Variants in TEX26 observed in about 807,000 individuals in gnomAD.
The protein encoded by TEX26 is testis expressed 26.
In TEX26, 34 loss-of-function variants were observed where a neutral mutation model predicts 35.3. The observed-to-expected ratio is 0.96, with a 90% confidence interval of 0.73 to 1.28. TEX26 has a LOEUF of 1.28. Among genes scored for constraint, TEX26 ranks in the 50% most tolerant of loss-of-function variants. The pLI is 0.00. For missense variants in TEX26, 371 were observed against 330.1 expected, an observed-to-expected ratio of 1.12 and a Z score of -0.96; for synonymous variants, 136 against 111.8, an observed-to-expected ratio of 1.22 and a Z score of -1.36.
intron 1 of TEX26, among the ~76,000 whole-genome samples, chr13:30,937,644 AAGG>A (rs2138168343): frequency 6.6e-6 from 1 of 152,336 alleles, no homozygotes; most frequent in African/African-American, 2.4e-5. Flanking sequence ...CCCACTAAAG[AAGG>A]AGTATTGGAG....
intron 4 of TEX26, among the ~76,000 whole-genome samples, chr13:30,964,940 T>C (rs760797429): frequency 6.6e-6 from 1 of 152,188 alleles, no homozygotes; most frequent in Non-Finnish European, 1.5e-5. Flanking sequence ...CTCCCAACAC[T>C]GTTGCATTAG....
chr13:30,974,131 A>AAAAAAAAATATAT, intron 6 of TEX26, among the ~76,000 whole-genome samples: 2 of 84,424 alleles, frequency 2.4e-5, no homozygotes, highest in African/African-American at 4.8e-5. Flanking sequence ...AAAAAAAAAA[A>AAAAAAAAATATAT]ATATATATAT....
At position 30,940,630 on chromosome 13, in the gene TEX26, G is replaced by T. The variant is rs1181299275; in HGVS notation, c.146+852G>T. ...TTACAGGCGTGAGCCACCACATCCG[G>T]CTGCCCCATCATCTTTTACTGTGTC... is the stretch of plus-strand genomic sequence containing the variant. On this transcript the variant is annotated intron_variant, in intron 2 of 6. Transcript: ENST00000380473. Among the ~76,000 whole-genome samples, 5 of 152,108 alleles carry T rather than the reference G, an allele frequency of 3.3e-5. No individual in the cohort carries two copies. In the East Asian group the frequency reaches 9.6e-4, roughly 29 times the overall value.
chr13:30,966,310 C>A lies in TEX26; in HGVS notation c.558C>A (p.Tyr186Ter), dbSNP rs111513492. 3.5e-5 allele frequency: 56 copies of A among 1,613,950 alleles called. No homozygotes were observed. Among genetic ancestry groups the A allele is most frequent in the Middle Eastern group, 3.3e-4 (2 of 6,062 alleles). ...QPPDTEFRRN[Y>*]QIPAKIPELQ... Reference sequence around the variant, plus strand: ...CAGACACTGAATTCCGAAGGAATTACCAAATTCCAGCTAAAATTCCTGAGC... The same window carrying A: ...CAGACACTGAATTCCGAAGGAATTAACAAATTCCAGCTAAAATTCCTGAGC... The change falls in exon 5 of 7, where the codon TAC becomes TAA. Residue 186 changes from tyrosine (Y) to a stop codon, truncating the protein, a stop_gained. Transcript: ENST00000380473. LOFTEE classifies it high-confidence loss of function.
intron 3 of TEX26, 146 bp downstream of exon 3, chr13:30,952,971 C>A: frequency 2.8e-6 from 2 of 718,806 alleles, no homozygotes; most frequent in Non-Finnish European, 4.4e-6. Flanking sequence ...TCCTGTCTAC[C>A]TTCTCACATT....
intron 2 of TEX26, among the ~76,000 whole-genome samples, chr13:30,943,160 A>G (rs1255252816): frequency 3.9e-5 from 6 of 151,976 alleles, no homozygotes; most frequent in Non-Finnish European, 8.8e-5. Context: ...AGTGTTACCT[A>G]TGATTTCTTT....
chr13:30,958,237 C>T (rs549350439), intron 4 of TEX26, among the ~76,000 whole-genome samples: 18 of 152,302 alleles, frequency 1.2e-4, no homozygotes, highest in Admixed American at 7.8e-4. Flanking sequence ...TCCATCTATA[C>T]CAACACATTT....
rs1279736509 is a variant in TEX26 at position 30,974,841 on chromosome 13, T to C, written c.809-5T>C. Reference sequence around the variant, plus strand: ...TTTCATCCTGTTTTTCTTCATACTTTTCAGATAGACAAATTATTGATCGCT... The same window carrying C: ...TTTCATCCTGTTTTTCTTCATACTTCTCAGATAGACAAATTATTGATCGCT... On this transcript the variant is annotated splice_region_variant and splice_polypyrimidine_tract_variant and intron_variant, in intron 6 of 6. Coordinates refer to ENST00000380473, the MANE Select transcript of TEX26 (RefSeq NM_152325.3). 6 of 1,553,746 alleles carry C rather than the reference T, an allele frequency of 3.9e-6. No individual in the cohort carries two copies. Among genetic ancestry groups the C allele is most frequent in the Non-Finnish European group, 4.3e-6 (5 of 1,156,200 alleles).
At chr13:30,937,471 C>T (rs1418639387) in intron 1 of TEX26, among the ~76,000 whole-genome samples, 9 of 152,106 alleles carry the variant, frequency 5.9e-5, no homozygotes, top group Middle Eastern at 3.4e-3. Flanking sequence ...CTGATTGTTC[C>T]GAAAGTCCAA....
intron 6 of TEX26, among the ~76,000 whole-genome samples, chr13:30,972,657 C>T (rs1375538289): frequency 1.3e-5 from 2 of 152,156 alleles, no homozygotes; most frequent in Non-Finnish European, 2.9e-5. Context: ...GTTTTTGAGA[C>T]AGAATCTCCC....
chr13:30,934,718 G>T (rs1397693259), intron 1 of TEX26, among the ~76,000 whole-genome samples: 1 of 152,174 alleles, frequency 6.6e-6, no homozygotes, highest in East Asian at 1.9e-4. Flanking sequence ...TGCCCCTTCT[G>T]AGTTGGGATG....
intron 1 of TEX26, among the ~76,000 whole-genome samples, chr13:30,935,475 C>T (rs573437991): frequency 5.9e-4 from 86 of 146,774 alleles, no homozygotes; most frequent in African/African-American, 2.2e-3. Context: ...GGGAAGAGGA[C>T]AGCAGCCAGA....
At chr13:30,959,639 G>C (rs544417538) in intron 4 of TEX26, among the ~76,000 whole-genome samples, 1 of 151,968 alleles carries the variant, frequency 6.6e-6, no homozygotes, top group African/African-American at 2.4e-5. Context: ...TTTTCTCTAC[G>C]TGTTTACTTT....
intron 6 of TEX26, among the ~76,000 whole-genome samples, chr13:30,972,109 C>T (rs903393842): frequency 6.6e-6 from 1 of 152,256 alleles, no homozygotes; most frequent in Admixed American, 6.5e-5. Context: ...AAGTAATCTT[C>T]GGGTACAGTA....
At position 30,932,742 on chromosome 13, in the gene TEX26, G is replaced by T; in HGVS notation, c.27G>T (p.Pro9=). MEQPGPRA[P]DPSLCHHNLQ... ...TGGAACAGCCTGGGCCCAGGGCTCC[G>T]GATCCCTCTCTCTGCCACCACAACC... Residue 9 remains proline (P), a synonymous_variant, in exon 1 of 7, where the codon CCG becomes CCT. Coordinates refer to ENST00000380473, the MANE Select transcript of TEX26 (RefSeq NM_152325.3). The T allele has an allele frequency of 1.2e-6, 2 of 1,613,794 alleles. No individual in the cohort carries two copies. The highest frequency in any genetic ancestry group is 2.2e-5 in the East Asian group (1 of 44,862).
chr13:30,935,791 CTCT>C (rs1210768111), intron 1 of TEX26, among the ~76,000 whole-genome samples: 2 of 152,246 alleles, frequency 1.3e-5, no homozygotes, highest in African/African-American at 4.8e-5. Flanking sequence ...AACACTAAAA[CTCT>C]TCTTCACTCT....
chr13:30,946,789 T>C (rs1337120411), intron 2 of TEX26, among the ~76,000 whole-genome samples: 1 of 152,038 alleles, frequency 6.6e-6, no homozygotes, highest in Non-Finnish European at 1.5e-5. Flanking sequence ...TGCAAAAGAT[T>C]AAACTTCCTC....
At chr13:30,940,784 A>G (rs528395230) in intron 2 of TEX26, among the ~76,000 whole-genome samples, 3 of 152,204 alleles carry the variant, frequency 2.0e-5, no homozygotes, top group Admixed American at 1.3e-4. Context: ...CCTAAAATAC[A>G]AAAATTAGCC....
chr13:30,946,966 A>T (rs1438117607), intron 2 of TEX26, among the ~76,000 whole-genome samples: 1 of 151,400 alleles, frequency 6.6e-6, no homozygotes, highest in Non-Finnish European at 1.5e-5. Flanking sequence ...TCTCATTCCC[A>T]CTCCACTTCC....
Sources: allele counts gnomAD v4.1 joint callset (sites outside exome capture counted in the v4.1 genomes callset), GRCh38; gene constraint gnomAD v4.1.1; transcripts MANE v1.5; gene names NCBI Gene and HGNC (gene_info 2026-07-23, HGNC 2026-07-21).